The following LY75 variants were observed in gnomAD, a reference collection of about 807,000 sequenced individuals.
LY75 encodes the protein C-type lectin domain family 13 member B.
In LY75, 185 loss-of-function variants were observed where a neutral mutation model predicts 231.7. The observed-to-expected ratio is 0.80, with a 90% confidence interval of 0.71 to 0.90. The LOEUF (loss-of-function observed/expected upper bound fraction) is 0.90. Ranked by LOEUF, LY75 falls within the 40% of genes least tolerant of loss-of-function variation. The pLI is 0.00. For missense variants in LY75, 1,947 were observed against 2,050.2 expected (o/e 0.95, Z 0.97); for synonymous variants, 668 against 689.0 (o/e 0.97, Z 0.48).
intron 14 of LY75, 146 bp from the exon 15 acceptor site, chr2:159,861,035 T>G: frequency 1.3e-6 from 1 of 747,762 alleles, no homozygotes; most frequent in Non-Finnish European, 2.2e-6. Context: ...ATCATGATGC[T>G]AAATCATGAG....
intron 25 of LY75, among the ~76,000 whole-genome samples, chr2:159,839,563 G>C (rs1683939419): frequency 6.6e-6 from 1 of 151,934 alleles, no homozygotes. Context: ...ATTTTACTTT[G>C]CTGAATTTTT....
Position 159,850,791 on chromosome 2 carries a change from T to TATATATATATAA in LY75, c.2884-325_2884-324insTTATATATATAT, listed in dbSNP as rs1341394980. On this transcript the variant is annotated intron_variant, in intron 21 of 34. Transcript: ENST00000263636. ...AAACTTTCATATATATATATATATA[T>TATATATATATAA]ATATATATTATATCTTATATATAAG... Among the ~76,000 whole-genome samples, 213 of 94,234 alleles carry TATATATATATAA rather than the reference T, an allele frequency of 2.3e-3. 11 individuals carry two copies. The highest frequency in any genetic ancestry group is 0.013 in the East Asian group (59 of 4,618). 61.8% of individuals were successfully genotyped at this position (94,234 alleles called of 152,430 possible).
intron 28 of LY75, among the ~76,000 whole-genome samples, chr2:159,827,712 G>A (rs1398226590): frequency 6.6e-6 from 1 of 152,154 alleles, no homozygotes; most frequent in Non-Finnish European, 1.5e-5. Context: ...CAACCCAAAT[G>A]TCCATCAATG....
intron 11 of LY75, 112 bp from the exon 12 acceptor site, chr2:159,875,755 ATG>A: frequency 7.8e-7 from 1 of 1,289,268 alleles, no homozygotes. Context: ...TAAAAAAAAA[ATG>A]GAACAAAGAG....
At chr2:159,867,727 A>T (rs1476663907) in intron 13 of LY75, among the ~76,000 whole-genome samples, 1 of 152,184 alleles carries the variant, frequency 6.6e-6, no homozygotes, top group African/African-American at 2.4e-5. Context: ...CATTCTTGCC[A>T]CATCACAGGG....
At chr2:159,811,558 T>C (rs2125828366) in intron 31 of LY75, among the ~76,000 whole-genome samples, 1 of 152,330 alleles carries the variant, frequency 6.6e-6, no homozygotes, top group Non-Finnish European at 1.5e-5. Flanking sequence ...ACCCAAACTA[T>C]TGTTTTGTAA....
At position 159,850,190 on chromosome 2, in the gene LY75, T is replaced by C. The variant is rs183293272; in HGVS notation, c.2990-50A>G. 219 of 1,555,956 alleles carry C rather than the reference T, an allele frequency of 1.4e-4. No individual in the cohort carries two copies. The African/African-American group carries it at 2.8e-3, about 20-fold the overall frequency. On this transcript the variant is annotated intron_variant, in intron 22 of 34. Transcript: ENST00000263636. ...GCATTTGATTTATTCAAATTAAAGATACATTAAAAATGTCAATGAATATAT... is the reference window on the plus strand; with the variant it reads ...GCATTTGATTTATTCAAATTAAAGACACATTAAAAATGTCAATGAATATAT...
chr2:159,850,602 A>G (rs544392035), intron 21 of LY75, 135 bp from the exon 22 acceptor site: 2 of 1,074,540 alleles, frequency 1.9e-6, no homozygotes, highest in East Asian at 2.6e-5. Flanking sequence ...GTAGTACCAT[A>G]AGAATTCAAG....
intron 30 of LY75, among the ~76,000 whole-genome samples, chr2:159,816,124 C>T (rs1368008713): frequency 1.3e-5 from 2 of 152,146 alleles, no homozygotes; most frequent in African/African-American, 4.8e-5. Context: ...AAATCTTCCC[C>T]ACTCTGTTCT....
At chr2:159,860,365 T>A (rs1684668147) in intron 15 of LY75, among the ~76,000 whole-genome samples, 1 of 152,208 alleles carries the variant, frequency 6.6e-6, no homozygotes, top group South Asian at 2.1e-4. Flanking sequence ...ACAGCACCAA[T>A]GAAACTTCTT....
intron 2 of LY75, among the ~76,000 whole-genome samples, chr2:159,894,778 C>T (rs1685864514): frequency 6.6e-6 from 1 of 152,174 alleles, no homozygotes; most frequent in African/African-American, 2.4e-5. Context: ...AGGTAGTAGA[C>T]ATAGCTTTTA....
intron 6 of LY75, among the ~76,000 whole-genome samples, 163 bp downstream of exon 6, chr2:159,884,990 T>G (rs2125878305): frequency 6.6e-6 from 1 of 152,338 alleles, no homozygotes; most frequent in East Asian, 1.9e-4. Context: ...CATATATGGT[T>G]GATAATATCT....
intron 16 of LY75, among the ~76,000 whole-genome samples, chr2:159,856,557 G>A (rs570556684): frequency 2.0e-4 from 30 of 152,188 alleles, no homozygotes; most frequent in Admixed American, 4.6e-4. Context: ...GCATCACATC[G>A]TAACTTAGAA....
At chr2:159,870,921 T>C (rs1684995946) in intron 13 of LY75, among the ~76,000 whole-genome samples, 2 of 152,174 alleles carry the variant, frequency 1.3e-5, no homozygotes, top group Non-Finnish European at 1.5e-5. Flanking sequence ...TTTTACTCTT[T>C]GATAATCTGT....
At chr2:159,845,458 G>A (rs1684171467) in intron 23 of LY75, among the ~76,000 whole-genome samples, 2 of 151,672 alleles carry the variant, frequency 1.3e-5, no homozygotes, top group South Asian at 4.2e-4. Flanking sequence ...GTGTATGTGT[G>A]TATATAACAT....
Position 159,807,016 on chromosome 2 carries a change from T to A in LY75, c.4947A>T (p.Glu1649Asp), listed in dbSNP as rs542114790. The A allele has an allele frequency of 8.7e-6, 14 of 1,613,936 alleles. No individual in the cohort carries two copies. The African/African-American group carries it at 1.7e-4, about 20-fold the overall frequency. The change falls in exon 34 of 35, where the codon GAA becomes GAT. Residue 1649 changes from glutamate to aspartate, a missense_variant. Physicochemically the swap from Glu to Asp is conservative, Grantham distance 45. Transcript: ENST00000263636. ...CAACTCTTCCAAAACCATGTTCACA[T>A]TCAACTTTTTTCCAAGTTTCATTTG... The part of the protein sequence containing the change: ...IASNETWKKV[E>D]CEHGFGRVVC...
rs67887100 is a variant in LY75, at chr2:159,850,773, CATATATATATATAT to C, written c.2884-320_2884-307del. Among the ~76,000 whole-genome samples the C allele has an allele frequency of 1.8e-4, 5 of 27,166 alleles. 1 individual carries two copies. Among genetic ancestry groups the C allele is most frequent in the African/African-American group, 5.5e-4 (5 of 9,076 alleles). The allele number at this position is 27,166 out of a possible 152,430, so 17.8% of individuals were successfully genotyped here. On this transcript the variant is annotated intron_variant, in intron 21 of 34. Coordinates refer to ENST00000263636, the MANE Select transcript of LY75 (RefSeq NM_002349.4). Reference sequence around the variant, plus strand: ...AACTGAAGAGCGGTCTTCAAACTTTCATATATATATATATATATATATATATTATATCTTATATA... The same window carrying C: ...AACTGAAGAGCGGTCTTCAAACTTTCATATATATATATTATATCTTATATA...
At chr2:159,846,787 A>T (rs558974366) in intron 23 of LY75, among the ~76,000 whole-genome samples, 17 of 152,336 alleles carry the variant, frequency 1.1e-4, no homozygotes, top group African/African-American at 3.6e-4. Context: ...GATATTTCCA[A>T]AGTCATAAAA....
At chr2:159,833,252 A>G (rs970158331) in intron 27 of LY75, among the ~76,000 whole-genome samples, 1 of 151,002 alleles carries the variant, frequency 6.6e-6, no homozygotes, top group Admixed American at 6.6e-5. Context: ...TTAGCCTCCC[A>G]AGTAGCTAGA....
Sources: allele counts gnomAD v4.1 joint callset (sites outside exome capture counted in the v4.1 genomes callset), GRCh38; gene constraint gnomAD v4.1.1; transcripts MANE v1.5; gene names NCBI Gene and HGNC (gene_info 2026-07-23, HGNC 2026-07-21).